Variants in PSMA7 observed in about 807,000 individuals in gnomAD.
PSMA7 encodes the protein proteasome 20S subunit alpha 7.
Under a neutral mutation model 31.3 loss-of-function variants are expected in PSMA7, and 5 were observed. That is an observed-to-expected ratio of 0.16 (90% CI 0.08 to 0.34). PSMA7 has a LOEUF of 0.34. Ranked by LOEUF, PSMA7 falls within the 10% of genes least tolerant of loss-of-function variation. The pLI is 1.00. For missense variants in PSMA7, 217 were observed against 327.5 expected, an observed-to-expected ratio of 0.66 and a Z score of 2.60; for synonymous variants, 155 against 121.9, an observed-to-expected ratio of 1.27 and a Z score of -1.79.
At chr20:62,139,311 G>A (rs996551632) in intron 3 of PSMA7, 114 bp from the exon 4 acceptor site, 9 of 1,287,766 alleles carry the variant, frequency 7.0e-6, no homozygotes, top group South Asian at 4.4e-5. Context: ...CCCTTCTCAG[G>A]TTATCAGCAG....
chr20:62,136,821 T>C lies in PSMA7; in HGVS notation c.*36A>G, dbSNP rs754957100. ...CATCGAGACTCATCCATGATTGATA[T>C]GAATTTAAAAATTACAAGCAAAGAC... On this transcript the variant is annotated 3_prime_UTR_variant, in exon 7 of 7. Coordinates refer to ENST00000370873, the MANE Select transcript of PSMA7 (RefSeq NM_002792.4). The C allele has an allele frequency of 7.6e-6, 12 of 1,580,272 alleles. No homozygotes were observed. Among genetic ancestry groups the C allele is most frequent in the African/African-American group, 6.9e-5 (5 of 72,800 alleles).
rs2056897076 is a variant in PSMA7 at position 62,136,875 on chromosome 20, T to C, written c.729A>G (p.Lys243=). The change falls in exon 7 of 7, where the codon AAA becomes AAG. Residue 243 remains lysine, a synonymous_variant. Coordinates refer to ENST00000370873, the MANE Select transcript of PSMA7 (RefSeq NM_002792.4). ...EKEKEENEKK[K]QKKAS ...TTATTCATCATGATGCTTTCTTTTGTTTCTTCTTTTCGTTTTCTTCTTTTT... is the reference window on the plus strand; with the variant it reads ...TTATTCATCATGATGCTTTCTTTTGCTTCTTCTTTTCGTTTTCTTCTTTTT... The C allele has an allele frequency of 1.3e-6, 2 of 1,599,072 alleles. No individual in the cohort carries two copies. The highest frequency in any genetic ancestry group is 1.1e-5 in the South Asian group (1 of 87,326).
chr20:62,139,872 C>T lies in PSMA7; in HGVS notation c.257G>A (p.Arg86Lys). 1 of 1,614,012 alleles carries T rather than the reference C, an allele frequency of 6.2e-7. No homozygotes were observed. Among genetic ancestry groups the T allele is most frequent in the Non-Finnish European group, 8.5e-7 (1 of 1,180,032 alleles). Reference protein sequence around the residue: ...LTADARIVINRARVECQSHRL... With the variant: ...LTADARIVINKARVECQSHRL... ...GTGGCTCTGGCACTCCACCCGGGCC[C>T]TGTTGATGACTATCCTTGCATCGGC... The change falls in exon 3 of 7, where the codon AGG becomes AAG. Residue 86 changes from arginine (R) to lysine (K), a missense_variant. Arg to Lys is a conservative substitution (Grantham distance 26, BLOSUM62 2). Coordinates refer to ENST00000370873, the MANE Select transcript of PSMA7 (RefSeq NM_002792.4).
chr20:62,141,054 A>G (rs1449390022), intron 1 of PSMA7, 110 bp from the exon 2 acceptor site: 1 of 1,373,168 alleles, frequency 7.3e-7, no homozygotes, highest in African/African-American at 1.4e-5. Context: ...TGGATGACTT[A>G]AATTCAAGAG....
chr20:62,139,228 C>T (rs1201191717), intron 3 of PSMA7, 31 bp from the exon 4 acceptor site: 1 of 1,600,912 alleles, frequency 6.2e-7, no homozygotes, highest in Middle Eastern at 1.7e-4. Flanking sequence ...TCAGTGCCAT[C>T]CAATTAAGAA....
intron 1 of PSMA7, among the ~76,000 whole-genome samples, chr20:62,141,220 C>G (rs905745801): frequency 6.6e-6 from 1 of 152,070 alleles, no homozygotes; most frequent in Non-Finnish European, 1.5e-5. Context: ...TGAGCCATGA[C>G]GGCTGGGAGA....
At chr20:62,143,122 CGCCGCGCCCG>C (rs2056949837) in intron 1 of PSMA7, 76 bp downstream of exon 1, 1 of 875,938 alleles carries the variant, frequency 1.1e-6, no homozygotes, top group Non-Finnish European at 1.4e-6. Flanking sequence ...GCGCCCACAG[CGCCGCGCCCG>C]GCCCCGGCCC....
chr20:62,140,972 A>T, intron 1 of PSMA7, 28 bp from the exon 2 acceptor site: 2 of 1,613,164 alleles, frequency 1.2e-6, no homozygotes, highest in South Asian at 2.2e-5. Flanking sequence ...AAACCACGTA[A>T]GAAAGTGATA....
intron 2 of PSMA7, among the ~76,000 whole-genome samples, 180 bp from the exon 3 acceptor site, chr20:62,140,085 T>G (rs781419597): frequency 6.6e-6 from 1 of 152,206 alleles, no homozygotes; most frequent in Non-Finnish European, 1.5e-5. Flanking sequence ...TGGGTACAGA[T>G]GCTTCTTGAT....
At chr20:62,140,238 C>G (rs192048036) in intron 2 of PSMA7, among the ~76,000 whole-genome samples, 4 of 152,324 alleles carry the variant, frequency 2.6e-5, no homozygotes, top group Admixed American at 2.0e-4. Flanking sequence ...CACAGATCAA[C>G]AGGGACTGTC....
At chr20:62,140,214 T>G (rs2056919217) in intron 2 of PSMA7, among the ~76,000 whole-genome samples, 1 of 152,246 alleles carries the variant, frequency 6.6e-6, no homozygotes, top group South Asian at 2.1e-4. Context: ...GTGCAGAATC[T>G]GGATTTTTAA....
chr20:62,140,743 C>G, intron 2 of PSMA7, 75 bp downstream of exon 2: 1 of 1,551,782 alleles, frequency 6.4e-7, no homozygotes, highest in South Asian at 1.2e-5. Context: ...AGCCCACACA[C>G]CCAAGTTAAT....
chr20:62,138,020 A>G (rs1239244605), intron 5 of PSMA7, 151 bp downstream of exon 5: 1 of 1,036,952 alleles, frequency 9.6e-7, no homozygotes, highest in Non-Finnish European at 1.4e-6. Context: ...CAGTTAGGAT[A>G]CACCATAGAC....
Position 62,138,174 on chromosome 20 carries a change from C to G in PSMA7, c.588G>C (p.Leu196=), listed in dbSNP as rs756465384. The change falls in exon 5 of 7, where the codon CTG becomes CTC. Residue 196 remains leucine (L), a synonymous_variant. Coordinates refer to ENST00000370873, the MANE Select transcript of PSMA7 (RefSeq NM_002792.4). ...TGGATTCCAAATGCAAACTTACTTCCAGGAGTGCCTTGATCACCAGCTTAA... is the reference window on the plus strand; with the variant it reads ...TGGATTCCAAATGCAAACTTACTTCGAGGAGTGCCTTGATCACCAGCTTAA... ...LTIKLVIKAL[L]EVVQSGGKNI... is the part of the protein sequence containing the mutation. 1 of 1,614,238 alleles carries G rather than the reference C, an allele frequency of 6.2e-7. No individual in the cohort carries two copies. The highest frequency in any genetic ancestry group is 8.5e-7 in the Non-Finnish European group (1 of 1,180,024).
intron 5 of PSMA7, 136 bp from the exon 6 acceptor site, chr20:62,137,562 T>C: frequency 1.2e-6 from 1 of 808,286 alleles, no homozygotes; most frequent in South Asian, 1.5e-5. Context: ...CCCCAAAACC[T>C]GTGTCTTTGT....
rs924446594 is a variant in PSMA7 at position 62,137,613 on chromosome 20, T to C, written c.592-187A>G. ...ATTTGTGAAGTCTGTTTGGGATGCCTGCACACCCCTCCGCCTCCCAGCACT... is the reference window on the plus strand; with the variant it reads ...ATTTGTGAAGTCTGTTTGGGATGCCCGCACACCCCTCCGCCTCCCAGCACT... On this transcript the variant is annotated intron_variant, in intron 5 of 6. Coordinates refer to ENST00000370873, the MANE Select transcript of PSMA7 (RefSeq NM_002792.4). 5.1e-5 allele frequency: 32 copies of C among 632,294 alleles called. No homozygotes were observed. In the East Asian group the frequency reaches 8.2e-4, roughly 16 times the overall value. The allele number at this position is 632,294 out of a possible 1,614,324, so 39.2% of individuals were successfully genotyped here. A position where few individuals can be genotyped will look rare whatever the true frequency, so the allele number is the denominator to read the frequency against.
chr20:62,140,687 A>C (rs1386254889), intron 2 of PSMA7, 131 bp downstream of exon 2: 1 of 1,214,610 alleles, frequency 8.2e-7, no homozygotes, highest in East Asian at 2.6e-5. Context: ...TCCAAATCCA[A>C]TTCTTTTAAA....
intron 1 of PSMA7, among the ~76,000 whole-genome samples, chr20:62,142,940 G>T (rs903447619): frequency 6.7e-5 from 10 of 150,288 alleles, no homozygotes; most frequent in Admixed American, 6.6e-5. Flanking sequence ...CGGCCCCCGT[G>T]CCCGGGGCCC....
In PSMA7 at chr20:62,138,234, A is replaced by G. The variant is rs748004870; in HGVS notation, c.528T>C (p.Tyr176=). The change falls in exon 5 of 7, where the codon TAT becomes TAC. Residue 176 remains tyrosine, a synonymous_variant. Transcript: ENST00000370873. ...CATCTGTTTCAATGGCTTCGTCAGT[A>G]TAGTTCTTCTCCAGGAACTCGCGCA... ...KSVREFLEKN[Y]TDEAIETDDL... The G allele has an allele frequency of 1.2e-6, 2 of 1,614,156 alleles. No individual in the cohort carries two copies. The highest frequency in any genetic ancestry group is 1.7e-5 in the Admixed American group (1 of 60,024).
Sources: allele counts gnomAD v4.1 joint callset (sites outside exome capture counted in the v4.1 genomes callset), GRCh38; gene constraint gnomAD v4.1.1; transcripts MANE v1.5; gene names NCBI Gene and HGNC (gene_info 2026-07-23, HGNC 2026-07-21).